Variants in CD8B2 observed in about 807,000 individuals in gnomAD.
CD8B2 encodes CD8B family member 2.
A neutral mutation model predicts 23.7 loss-of-function variants in CD8B2; 11 were observed. That is an observed-to-expected ratio of 0.46 (90% CI 0.29 to 0.77). The LOEUF (loss-of-function observed/expected upper bound fraction) is 0.77, where lower values mean the gene tolerates loss of function less well. Among genes scored for constraint, CD8B2 ranks in the 30% least tolerant of loss-of-function variants. The pLI is 0.09. For missense variants in CD8B2, 197 were observed against 270.5 expected (o/e 0.73, Z 1.91); for synonymous variants, 90 against 109.3 (o/e 0.82, Z 1.10).
intron 5 of CD8B2, among the ~76,000 whole-genome samples, chr2:106,529,546 C>T (rs1679964413): frequency 1.3e-5 from 2 of 152,216 alleles, no homozygotes; most frequent in Non-Finnish European, 1.5e-5. Context: ...TAATCTACCA[C>T]CTGCCCTGGA....
At chr2:106,511,813 C>T (rs1679636839), downstream of CD8B2, among the ~76,000 whole-genome samples, 1 of 152,164 alleles carries the variant, frequency 6.6e-6, no homozygotes, top group African/African-American at 2.4e-5. Context: ...TGGAGTCCTC[C>T]CAGTTACATA....
chr2:106,521,685 C>T (rs1349839182), intron 5 of CD8B2: 1 of 152,264 alleles, frequency 6.6e-6, no homozygotes, highest in African/African-American at 2.4e-5. Context: ...GGAGGCAGCA[C>T]TTTCAGTTCT....
intron 5 of CD8B2, among the ~76,000 whole-genome samples, chr2:106,525,324 C>T (rs1679891816): frequency 6.6e-6 from 1 of 152,202 alleles, no homozygotes; most frequent in South Asian, 2.1e-4. Context: ...TTCACTCTTG[C>T]TCACCTTCCC....
intron 5 of CD8B2, among the ~76,000 whole-genome samples, chr2:106,526,780 G>T (rs1679913379): frequency 6.6e-6 from 1 of 152,138 alleles, no homozygotes; most frequent in Non-Finnish European, 1.5e-5. Flanking sequence ...CTCCTGAGTA[G>T]CTGGGATTAC....
chr2:106,536,477 A>G (rs536876479), intron 5 of CD8B2, among the ~76,000 whole-genome samples: 141 of 152,338 alleles, frequency 9.3e-4, no homozygotes, highest in African/African-American at 3.3e-3. Flanking sequence ...ACATTTGGGC[A>G]GGGACACAGA....
At chr2:106,539,200 G>A (rs1476660120) in intron 5 of CD8B2, among the ~76,000 whole-genome samples, 1 of 152,148 alleles carries the variant, frequency 6.6e-6, no homozygotes, top group East Asian at 1.9e-4. Context: ...CAGCACTCGG[G>A]GCCCATGTGT....
intron 5 of CD8B2, among the ~76,000 whole-genome samples, chr2:106,524,603 C>A (rs1378358505): frequency 6.6e-6 from 1 of 152,136 alleles, no homozygotes; most frequent in East Asian, 1.9e-4. Context: ...CTCCGAGGAC[C>A]ATAGTTGGAG....
At chr2:106,512,456 C>T (rs1292672162), downstream of CD8B2, among the ~76,000 whole-genome samples, 1 of 151,904 alleles carries the variant, frequency 6.6e-6, no homozygotes, top group African/African-American at 2.4e-5. Context: ...ACTCTGCACT[C>T]AATTCTCCTC....
At chr2:106,544,167 A>C (rs1376537382) in exon 6 of CD8B2, 1 of 398,110 alleles carries the variant, frequency 2.5e-6, no homozygotes, top group East Asian at 3.6e-5. Context: ...ATGCGTGTCT[A>C]GCGAGGCCAT....
intron 3 of CD8B2, 106 bp downstream of exon 3, chr2:106,496,368 G>C (rs1430343440): frequency 1.2e-5 from 17 of 1,443,986 alleles, no homozygotes; most frequent in African/African-American, 7.6e-5. Context: ...GTCAACTCTA[G>C]AGCCTATCTC....
At chr2:106,511,524 G>A (rs548200383), downstream of CD8B2, among the ~76,000 whole-genome samples, 1 of 151,042 alleles carries the variant, frequency 6.6e-6, no homozygotes, top group Admixed American at 6.6e-5. Flanking sequence ...GAAGAAGGGG[G>A]GTCCTACACC....
At chr2:106,540,006 G>A (rs1680147602) in intron 5 of CD8B2, among the ~76,000 whole-genome samples, 2 of 152,174 alleles carry the variant, frequency 1.3e-5, no homozygotes, top group African/African-American at 2.4e-5. Context: ...ATTTTGAGTG[G>A]AAATTATATA....
chr2:106,501,660 C>T (rs568208889), intron 3 of CD8B2, among the ~76,000 whole-genome samples: 15 of 152,126 alleles, frequency 9.9e-5, no homozygotes, highest in South Asian at 6.2e-4. Flanking sequence ...CCAGCCTGGG[C>T]GACAGAGCGA....
downstream of CD8B2, among the ~76,000 whole-genome samples, chr2:106,515,360 C>G (rs556180755): frequency 2.0e-5 from 3 of 152,290 alleles, no homozygotes; most frequent in African/African-American, 7.2e-5. Flanking sequence ...TTTGTGCTCC[C>G]CACAACATTC....
intron 5 of CD8B2, among the ~76,000 whole-genome samples, chr2:106,506,528 A>G (rs62154005): frequency 0.98 from 148,412 of 150,816 alleles, 73,072 homozygotes; most frequent in East Asian, 1. Flanking sequence ...AGGCATGGAG[A>G]AAATAGCCTG....
chr2:106,517,291 A>G (rs1459207728), intron 5 of CD8B2, among the ~76,000 whole-genome samples: 3 of 151,872 alleles, frequency 2.0e-5, no homozygotes, highest in African/African-American at 7.3e-5. Flanking sequence ...CATTTTTGAC[A>G]TCCTCTCTAT....
At chr2:106,535,941 T>C (rs543439156) in intron 5 of CD8B2, among the ~76,000 whole-genome samples, 54 of 152,156 alleles carry the variant, frequency 3.5e-4, no homozygotes, top group African/African-American at 1.2e-3. Flanking sequence ...TGAGGAAGTT[T>C]TCAATAATGG....
At chr2:106,498,524 G>T (rs1400775921) in intron 3 of CD8B2, among the ~76,000 whole-genome samples, 1 of 152,170 alleles carries the variant, frequency 6.6e-6, no homozygotes, top group Non-Finnish European at 1.5e-5. Context: ...AGGTTGTTAA[G>T]AATAACCCGG....
At chr2:106,515,043 C>A (rs1194041342), downstream of CD8B2, among the ~76,000 whole-genome samples, 1 of 152,330 alleles carries the variant, frequency 6.6e-6, no homozygotes, top group South Asian at 2.1e-4. Flanking sequence ...AACAGTCTGC[C>A]TCTCCCAGTC....
Sources: allele counts gnomAD v4.1 joint callset (sites outside exome capture counted in the v4.1 genomes callset), GRCh38; gene constraint gnomAD v4.1.1; transcripts MANE v1.5; gene names NCBI Gene and HGNC (gene_info 2026-07-23, HGNC 2026-07-21).